Variants in DYNC2I1 observed in about 807,000 individuals in gnomAD.
DYNC2I1 encodes the protein dynein 2 intermediate chain 1, also known as cytoplasmic dynein 2 intermediate chain 1.
In DYNC2I1, 89 loss-of-function variants were observed where a neutral mutation model predicts 133.4. The ratio of observed to expected loss-of-function variants is 0.67; its 90% CI spans 0.56 to 0.80. The LOEUF (loss-of-function observed/expected upper bound fraction) is 0.80. Among genes scored for constraint, DYNC2I1 ranks in the 30% least tolerant of loss-of-function variants. DYNC2I1 has a pLI of 0.00. For synonymous variants in DYNC2I1, 504 were observed against 484.3 expected (o/e 1.04, Z -0.54); for missense variants, 1,291 against 1,314.5 (o/e 0.98, Z 0.28).
At position 158,922,433 on chromosome 7, in the gene DYNC2I1, G is replaced by T. The variant is rs374436641; in HGVS notation, c.1978G>T (p.Val660Phe). The T allele has an allele frequency of 3.1e-6, 5 of 1,613,882 alleles. No individual in the cohort carries two copies. In the African/African-American group the frequency reaches 6.7e-5, roughly 22 times the overall value. ...AGTTCAGAGGCAGATGGTGGTCTCC[G>T]TTCACGACTTACCCGAGAAGAGCTT... ...SRVQRQMVVSVHDLPEKSFVP... is the reference protein window; with the variant it reads ...SRVQRQMVVSFHDLPEKSFVP... The change falls in exon 16 of 25, where the codon GTT becomes TTT. Residue 660 changes from valine to phenylalanine, a missense_variant. By Grantham distance (50) the Val-to-Phe change is conservative. Transcript: ENST00000407559.
At chr7:158,913,232 G>A (rs1847667658) in intron 13 of DYNC2I1, 136 bp downstream of exon 13, 1 of 622,916 alleles carries the variant, frequency 1.6e-6, no homozygotes, top group Non-Finnish European at 2.6e-6. Context: ...GACAATAGCA[G>A]TACCCAATTT....
chr7:158,958,177 G>C (rs772781321), downstream of DYNC2I1, among the ~76,000 whole-genome samples: 1 of 152,222 alleles, frequency 6.6e-6, no homozygotes, highest in Admixed American at 6.5e-5. Context: ...GCACCTGCCC[G>C]TCAGCCACAG....
rs1307928461 is a variant in DYNC2I1 at position 158,926,311 on chromosome 7, C to T, written c.2371+11C>T. 3 of 1,606,668 alleles carry T rather than the reference C, an allele frequency of 1.9e-6. No homozygotes were observed. The highest frequency in any genetic ancestry group is 2.2e-5 in the East Asian group (1 of 44,758). On this transcript the variant is annotated intron_variant, in intron 18 of 24. Transcript: ENST00000407559. ...TTTCTACTCAAGAAGGTACGTGATT[C>T]TTCACTTTCTTAAAATCCTTCATCA...
intron 15 of DYNC2I1, among the ~76,000 whole-genome samples, chr7:158,921,049 C>T (rs780457759): frequency 2.2e-4 from 33 of 152,208 alleles, no homozygotes; most frequent in Admixed American, 6.5e-5. Context: ...GTGAGTAGGA[C>T]GACAGCAACT....
intron 4 of DYNC2I1, among the ~76,000 whole-genome samples, chr7:158,878,601 C>T (rs1325966060): frequency 3.4e-4 from 39 of 115,252 alleles, no homozygotes; most frequent in South Asian, 9.4e-4. Flanking sequence ...CCAGGAGGGC[C>T]GACTGTGAAT....
intron 23 of DYNC2I1, among the ~76,000 whole-genome samples, chr7:158,937,300 T>C (rs1850855807): frequency 6.6e-6 from 1 of 152,180 alleles, no homozygotes; most frequent in African/African-American, 2.4e-5. Context: ...AGTAGAGGAA[T>C]GAATAGGTGA....
intron 11 of DYNC2I1, among the ~76,000 whole-genome samples, chr7:158,908,617 G>A (rs756521274): frequency 7.9e-5 from 12 of 152,206 alleles, no homozygotes; most frequent in Non-Finnish European, 1.6e-4. Context: ...ACTAATTTGG[G>A]TATTAAACAG....
At chr7:158,880,093 C>G in intron 5 of DYNC2I1, 104 bp downstream of exon 5, 1 of 1,333,606 alleles carries the variant, frequency 7.5e-7, no homozygotes, top group Non-Finnish European at 1.0e-6. Context: ...GATTTGTGGC[C>G]TAGTAGTAGT....
intron 1 of DYNC2I1, among the ~76,000 whole-genome samples, chr7:158,863,150 C>G (rs1402743052): frequency 1.3e-5 from 2 of 151,848 alleles, no homozygotes; most frequent in Non-Finnish European, 2.9e-5. Context: ...CTTTTATTCC[C>G]TTATTTGGCC....
intron 20 of DYNC2I1, among the ~76,000 whole-genome samples, chr7:158,927,880 A>G (rs555493394): frequency 1.3e-5 from 2 of 152,244 alleles, no homozygotes; most frequent in South Asian, 2.1e-4. Context: ...AGTAGGGTTT[A>G]ATGAGTTCTG....
chr7:158,845,515 T>TA, the DYNC2I1 span, among the ~76,000 whole-genome samples: 1 of 152,220 alleles, frequency 6.6e-6, no homozygotes, highest in African/African-American at 2.4e-5. Context: ...TATAAAACTC[T>TA]AAATCAGGCC....
chr7:158,902,963 G>A (rs1157223462), intron 10 of DYNC2I1: 1 of 201,078 alleles, frequency 5.0e-6, no homozygotes, highest in African/African-American at 2.3e-5. Context: ...GCCCTCCTCA[G>A]TGGGAAGCCT....
intron 21 of DYNC2I1, among the ~76,000 whole-genome samples, chr7:158,933,054 G>C (rs529451343): frequency 1.3e-5 from 2 of 152,036 alleles, no homozygotes; most frequent in African/African-American, 2.4e-5. Context: ...CCCAGATGGA[G>C]GTAAGGATTT....
chr7:158,856,798 C>T, intron 1 of DYNC2I1, 48 bp downstream of exon 1: 3 of 1,231,524 alleles, frequency 2.4e-6, no homozygotes, highest in Admixed American at 4.2e-5. Context: ...GCTTCGCGGA[C>T]TCCTTCGGGC....
At position 158,913,563 on chromosome 7, in the gene DYNC2I1, A is replaced by G. The variant is rs554269949; in HGVS notation, c.1702+467A>G. Among the ~76,000 whole-genome samples, 72 of 152,306 alleles carry G rather than the reference A, an allele frequency of 4.7e-4. 1 individual carries two copies. The South Asian group carries it at 0.015, about 31-fold the overall frequency. On this transcript the variant is annotated intron_variant, in intron 13 of 24. Coordinates refer to ENST00000407559, the MANE Select transcript of DYNC2I1 (RefSeq NM_018051.5). Reference sequence around the variant, plus strand: ...TGCTAAGTACTCTGGAGCGATTTACATGTTGAATACTTTACTGGTTTTTCT... The same window carrying G: ...TGCTAAGTACTCTGGAGCGATTTACGTGTTGAATACTTTACTGGTTTTTCT...
intron 15 of DYNC2I1, among the ~76,000 whole-genome samples, chr7:158,919,823 C>T (rs929886033): frequency 6.6e-6 from 1 of 152,258 alleles, no homozygotes; most frequent in African/African-American, 2.4e-5. Flanking sequence ...TCATTCAACA[C>T]ATTGGCATCC....
chr7:158,865,359 C>T (rs1842313046), intron 1 of DYNC2I1, among the ~76,000 whole-genome samples: 1 of 152,158 alleles, frequency 6.6e-6, no homozygotes, highest in South Asian at 2.1e-4. Flanking sequence ...GGGATGTAAA[C>T]ATTGTTCAGG....
chr7:158,927,388 A>C (rs1460662375), intron 20 of DYNC2I1, among the ~76,000 whole-genome samples: 1 of 148,084 alleles, frequency 6.8e-6, no homozygotes. Flanking sequence ...GGGTGATGGA[A>C]TGAGACCTTG....
intron 10 of DYNC2I1, chr7:158,904,931 T>G: frequency 3.5e-6 from 1 of 284,540 alleles, no homozygotes; most frequent in Non-Finnish European, 6.9e-6. Context: ...CATAAAACCG[T>G]AAGACGGGAG....
Sources: gnomAD v4.1 joint callset for allele counts (sites outside exome capture counted in the v4.1 genomes callset) on GRCh38, gnomAD v4.1.1 for gene constraint, MANE v1.5 for transcripts, NCBI Gene and HGNC (gene_info 2026-07-23, HGNC 2026-07-21) for gene names.